STARD13: variants seen among roughly 807,000 people sequenced by gnomAD.
STARD13 encodes stAR-related lipid transfer protein 13.
In STARD13, 62 loss-of-function variants were observed where a neutral mutation model predicts 106.4. That is an observed-to-expected ratio of 0.58 (90% confidence interval 0.48 to 0.72). The LOEUF (loss-of-function observed/expected upper bound fraction) is 0.72, where lower values mean the gene tolerates loss of function less well. Ranked by LOEUF, STARD13 falls within the 30% of genes least tolerant of loss-of-function variation. The pLI is 0.00. For missense variants in STARD13, 1,387 were observed against 1,424.0 expected (o/e 0.97, Z 0.42); for synonymous variants, 565 against 553.0 (o/e 1.02, Z -0.31).
Position 33,342,914 on chromosome 13 carries a change from G to C in STARD13, c.124+7376C>G, listed in dbSNP as rs540301359. ...CCAAATATTGCACTCTAACCAAAGA[G>C]CCCCCCAGGACTTGGCCCTTGGCCC... On this transcript the variant is annotated intron_variant, in intron 1 of 5. Transcript: ENST00000567873. 6.6e-5 allele frequency among the ~76,000 whole-genome samples: 10 copies of C among 152,282 alleles called. No individual in the cohort carries two copies. In the East Asian group the frequency reaches 1.7e-3, roughly 26 times the overall value.
At chr13:33,190,182 C>G (rs1331461684) in intron 1 of STARD13, among the ~76,000 whole-genome samples, 1 of 152,092 alleles carries the variant, frequency 6.6e-6, no homozygotes, top group Non-Finnish European at 1.5e-5. Flanking sequence ...ATGGCTCATG[C>G]CTGTAATCCC....
the STARD13 span, among the ~76,000 whole-genome samples, chr13:33,617,296 G>T: frequency 6.6e-6 from 1 of 152,156 alleles, no homozygotes; most frequent in African/African-American, 2.4e-5. Context: ...GCACTCAATA[G>T]GTTTGGTTCC....
At chr13:33,581,289 A>G in the STARD13 span, among the ~76,000 whole-genome samples, 1 of 152,176 alleles carries the variant, frequency 6.6e-6, no homozygotes, top group African/African-American at 2.4e-5. Flanking sequence ...ATACATTCCC[A>G]GATCTAAATA....
In STARD13 at chr13:33,171,940, G is replaced by A. The variant is rs548713897; in HGVS notation, c.170-4318C>T. The stretch of plus-strand genomic sequence containing the variant: ...GGAAGCTCTTGCTAGCACCTGGGGA[G>A]GCACCCACTACCATGGGCATGAGAA... On this transcript the variant is annotated intron_variant, in intron 1 of 13. Coordinates refer to ENST00000336934, the MANE Select transcript of STARD13 (RefSeq NM_178006.4). Among the ~76,000 whole-genome samples the A allele has an allele frequency of 3.3e-5, 5 of 152,280 alleles. No individual in the cohort carries two copies. In the South Asian group the frequency reaches 1.0e-3, roughly 32 times the overall value.
At chr13:33,181,482 T>A (rs77599536) in intron 1 of STARD13, among the ~76,000 whole-genome samples, 3,367 of 152,294 alleles carry the variant, frequency 0.022, 124 homozygotes, top group African/African-American at 0.074. Context: ...TATCATTTAG[T>A]ATGTTGACTG....
exon 2 of STARD13, chr13:33,348,778 G>C (rs576380036): frequency 5.5e-4 from 136 of 247,906 alleles, no homozygotes; most frequent in Non-Finnish European, 1.0e-3. Flanking sequence ...AAAACTGCTG[G>C]GTTACCACAA....
At chr13:33,538,612 A>T in the STARD13 span, among the ~76,000 whole-genome samples, 1 of 151,868 alleles carries the variant, frequency 6.6e-6, no homozygotes, top group Non-Finnish European at 1.5e-5. Flanking sequence ...CCATAAAGTA[A>T]AAAACACCAC....
chr13:33,419,655 T>C, the STARD13 span, among the ~76,000 whole-genome samples: 3 of 152,070 alleles, frequency 2.0e-5, no homozygotes, highest in Non-Finnish European at 4.4e-5. Flanking sequence ...CACATAATTG[T>C]CAGATTCACC....
the STARD13 span, among the ~76,000 whole-genome samples, chr13:33,464,465 C>T: frequency 2.6e-5 from 4 of 152,262 alleles, no homozygotes; most frequent in African/African-American, 9.6e-5. Context: ...TGCTTCATTG[C>T]CCTTTAAAGC....
the STARD13 span, among the ~76,000 whole-genome samples, chr13:33,607,774 A>G: frequency 6.6e-6 from 1 of 152,252 alleles, no homozygotes; most frequent in Non-Finnish European, 1.5e-5. Flanking sequence ...ACAAGATATA[A>G]TATAAAATAT....
the STARD13 span, among the ~76,000 whole-genome samples, chr13:33,669,213 A>G: frequency 1.1e-3 from 164 of 152,338 alleles, 3 homozygotes; most frequent in African/African-American, 3.8e-3. Flanking sequence ...GCAGAAGCAG[A>G]TGGGTGTAAA....
chr13:33,162,026 G>A (rs777976382), intron 3 of STARD13, among the ~76,000 whole-genome samples: 1 of 152,108 alleles, frequency 6.6e-6, no homozygotes, highest in African/African-American at 2.4e-5. Flanking sequence ...GCAATTATGG[G>A]AATACAATTC....
chr13:33,150,975 A>G (rs140732135), intron 3 of STARD13, among the ~76,000 whole-genome samples: 5 of 152,322 alleles, frequency 3.3e-5, no homozygotes, highest in South Asian at 4.1e-4. Flanking sequence ...CCTGCCCTTG[A>G]GAATCTCATG....
the STARD13 span, among the ~76,000 whole-genome samples, chr13:33,395,434 A>G: frequency 6.6e-6 from 1 of 152,300 alleles, no homozygotes; most frequent in East Asian, 1.9e-4. Context: ...TTGGTTTTAT[A>G]AGATCATAAA....
intron 1 of STARD13, among the ~76,000 whole-genome samples, chr13:33,334,843 C>A (rs117164494): frequency 0.011 from 1,716 of 152,260 alleles, 13 homozygotes; most frequent in Middle Eastern, 0.027. Flanking sequence ...AATAAATACA[C>A]ACACACTCCT....
chr13:33,439,904 G>T, the STARD13 span, among the ~76,000 whole-genome samples: 1 of 152,130 alleles, frequency 6.6e-6, no homozygotes, highest in African/African-American at 2.4e-5. Context: ...AAATCATCAG[G>T]AATCATAAAA....
At chr13:33,615,818 A>G in the STARD13 span, among the ~76,000 whole-genome samples, 1 of 152,214 alleles carries the variant, frequency 6.6e-6, no homozygotes, top group Non-Finnish European at 1.5e-5. Flanking sequence ...TTAACCTCAG[A>G]TGGAAATAAC....
chr13:33,662,559 A>C, the STARD13 span, among the ~76,000 whole-genome samples: 77 of 152,328 alleles, frequency 5.1e-4, no homozygotes, highest in African/African-American at 1.7e-3. Flanking sequence ...CCACAAATCA[A>C]ACCCTGCACT....
At chr13:33,203,783 T>C (rs190069982) in intron 1 of STARD13, among the ~76,000 whole-genome samples, 24 of 152,354 alleles carry the variant, frequency 1.6e-4, no homozygotes, top group African/African-American at 5.0e-4. Flanking sequence ...TTTAATTTTG[T>C]TTTAACTTTA....
Sources: gnomAD v4.1 joint callset for allele counts (sites outside exome capture counted in the v4.1 genomes callset) on GRCh38, gnomAD v4.1.1 for gene constraint, MANE v1.5 for transcripts, NCBI Gene and HGNC (gene_info 2026-07-23, HGNC 2026-07-21) for gene names.